Variants in ARK2C observed in about 807,000 individuals in gnomAD.
The protein encoded by ARK2C is arkadia (RNF111) C-terminal like ring finger ubiquitin ligase 2C.
At chr18:46,349,324 T>A in the ARK2C span, among the ~76,000 whole-genome samples, 1 of 152,106 alleles carries the variant, frequency 6.6e-6, no homozygotes, top group Non-Finnish European at 1.5e-5. Flanking sequence ...TAGATGGCTG[T>A]TTTTTTGCTG....
At chr18:46,339,674 T>C in the ARK2C span, among the ~76,000 whole-genome samples, 21 of 152,380 alleles carry the variant, frequency 1.4e-4, no homozygotes, top group East Asian at 4.0e-3. Flanking sequence ...TTCTTCTTTC[T>C]GAACAAGAGA....
chr18:46,347,714 A>T, the ARK2C span, among the ~76,000 whole-genome samples: 1 of 152,152 alleles, frequency 6.6e-6, no homozygotes, highest in African/African-American at 2.4e-5. Context: ...TGCCATGCAC[A>T]GAGTCCCCCT....
the ARK2C span, among the ~76,000 whole-genome samples, chr18:46,428,798 C>A: frequency 6.6e-6 from 1 of 152,130 alleles, no homozygotes; most frequent in East Asian, 1.9e-4. Flanking sequence ...AAATTAATTT[C>A]AACTGTTTCT....
At chr18:46,379,345 C>A in the ARK2C span, among the ~76,000 whole-genome samples, 3 of 152,224 alleles carry the variant, frequency 2.0e-5, no homozygotes, top group Non-Finnish European at 4.4e-5. Flanking sequence ...TTTAAAAGAA[C>A]AAATCAATCT....
the ARK2C span, among the ~76,000 whole-genome samples, chr18:46,404,631 T>C: frequency 6.6e-6 from 1 of 152,058 alleles, no homozygotes; most frequent in Non-Finnish European, 1.5e-5. Flanking sequence ...CGGGAGCCTG[T>C]AATGCCAACT....
the ARK2C span, among the ~76,000 whole-genome samples, chr18:46,455,417 A>T: frequency 6.4e-4 from 98 of 152,204 alleles, no homozygotes; most frequent in Non-Finnish European, 1.1e-3. Context: ...TTCATTAGGA[A>T]CCCAATTTCT....
At chr18:46,355,367 T>G in the ARK2C span, among the ~76,000 whole-genome samples, 1 of 152,162 alleles carries the variant, frequency 6.6e-6, no homozygotes, top group Admixed American at 6.5e-5. Context: ...TGGTTCTCTC[T>G]CAGGGCCTCG....
At chr18:46,404,697 G>C in the ARK2C span, among the ~76,000 whole-genome samples, 1 of 152,108 alleles carries the variant, frequency 6.6e-6, no homozygotes, top group Middle Eastern at 3.4e-3. Context: ...AGGTTGTAGT[G>C]AGCCGAGACC....
the ARK2C span, among the ~76,000 whole-genome samples, chr18:46,440,860 G>T: frequency 2.0e-5 from 3 of 151,706 alleles, no homozygotes; most frequent in African/African-American, 7.3e-5. Flanking sequence ...TGGTTTATAG[G>T]GTTTTTTTTT....
At chr18:46,348,287 A>C in the ARK2C span, among the ~76,000 whole-genome samples, 14 of 152,074 alleles carry the variant, frequency 9.2e-5, no homozygotes, top group Non-Finnish European at 1.5e-4. Context: ...CAGAGGGGTC[A>C]CTGGGACAGG....
chr18:46,441,891 G>T, the ARK2C span, among the ~76,000 whole-genome samples: 1 of 142,496 alleles, frequency 7.0e-6, no homozygotes, highest in Admixed American at 7.3e-5. Context: ...GAGGCCGGGC[G>T]CGGTGGCTCA....
At chr18:46,420,881 G>T in the ARK2C span, among the ~76,000 whole-genome samples, 6 of 152,080 alleles carry the variant, frequency 3.9e-5, no homozygotes, top group Non-Finnish European at 8.8e-5. Context: ...GGGGTTTGGA[G>T]ATTTGCTTTT....
At chr18:46,428,281 C>T in the ARK2C span, among the ~76,000 whole-genome samples, 36 of 152,180 alleles carry the variant, frequency 2.4e-4, no homozygotes, top group South Asian at 4.2e-4. Context: ...TGGTGGCAGG[C>T]GCCTGTAGTC....
At chr18:46,347,578 T>C in the ARK2C span, among the ~76,000 whole-genome samples, 3 of 152,158 alleles carry the variant, frequency 2.0e-5, no homozygotes, top group African/African-American at 7.2e-5. Context: ...CATTCTTACC[T>C]GCCAGGTGAG....
At chr18:46,435,261 C>T in the ARK2C span, 953 of 1,603,446 alleles carry the variant, frequency 5.9e-4, 3 homozygotes, top group Middle Eastern at 3.1e-3. Context: ...GCCCCTGACA[C>T]GAGGGCTCTC....
At chr18:46,430,487 T>C in the ARK2C span, among the ~76,000 whole-genome samples, 1 of 152,236 alleles carries the variant, frequency 6.6e-6, no homozygotes, top group Non-Finnish European at 1.5e-5. Flanking sequence ...AGGCCTTTTC[T>C]ATCTAGAAAT....
chr18:46,416,978 A>G, the ARK2C span, among the ~76,000 whole-genome samples: 1 of 152,312 alleles, frequency 6.6e-6, no homozygotes, highest in Non-Finnish European at 1.5e-5. Context: ...ATGGGAGGGT[A>G]AGCATACAAG....
the ARK2C span, among the ~76,000 whole-genome samples, chr18:46,373,122 A>T: frequency 6.6e-6 from 1 of 152,204 alleles, no homozygotes; most frequent in Admixed American, 6.5e-5. Flanking sequence ...GGGCTCTCTC[A>T]TCCCTCTCAT....
chr18:46,357,615 A>G, the ARK2C span, among the ~76,000 whole-genome samples: 3 of 152,104 alleles, frequency 2.0e-5, no homozygotes, highest in South Asian at 2.1e-4. Context: ...CCTCTCTATC[A>G]TCTCTTTCTG....
Sources: gnomAD v4.1 joint callset for allele counts (sites outside exome capture counted in the v4.1 genomes callset) on GRCh38, gnomAD v4.1.1 for gene constraint, MANE v1.5 for transcripts, NCBI Gene and HGNC (gene_info 2026-07-23, HGNC 2026-07-21) for gene names.